Variants in RUBCNL observed in about 807,000 individuals in gnomAD.
The protein encoded by RUBCNL is protein associated with UVRAG as autophagy enhancer.
In RUBCNL, 62 loss-of-function variants were observed where a neutral mutation model predicts 69.5. That is an observed-to-expected ratio of 0.89 (90% confidence interval 0.73 to 1.10). The LOEUF (loss-of-function observed/expected upper bound fraction) is 1.10, where lower values mean the gene tolerates loss of function less well. Ranked by LOEUF, RUBCNL falls within the 50% of genes least tolerant of loss-of-function variation. The pLI, the probability that RUBCNL is intolerant of heterozygous loss-of-function variation, is 0.00. For missense variants in RUBCNL, 768 were observed against 798.1 expected, an observed-to-expected ratio of 0.96 and a Z score of 0.45; for synonymous variants, 291 against 303.6, an observed-to-expected ratio of 0.96 and a Z score of 0.43.
chr13:46,387,241 A>G lies in RUBCNL; in HGVS notation c.-346T>C, dbSNP rs2049271140. On this transcript the variant is annotated 5_prime_UTR_variant, in exon 1 of 15. Transcript: ENST00000429979. ...CCGTGGCCACCGCGCTCCCGGTAACAGCAGAAAGGGGAGGGAGGAGAGCTA... is the reference window on the plus strand; with the variant it reads ...CCGTGGCCACCGCGCTCCCGGTAACGGCAGAAAGGGGAGGGAGGAGAGCTA... 7 of 985,300 alleles carry G rather than the reference A, an allele frequency of 7.1e-6. No homozygotes were observed. Among genetic ancestry groups the G allele is most frequent in the Non-Finnish European group, 8.4e-6 (7 of 829,932 alleles). 61.0% of individuals were successfully genotyped at this position (985,300 alleles called of 1,614,324 possible). A position where few individuals can be genotyped will look rare whatever the true frequency, so the allele number is the denominator to read the frequency against.
upstream of RUBCNL, among the ~76,000 whole-genome samples, chr13:46,388,950 T>C (rs949271106): frequency 1.3e-5 from 2 of 152,222 alleles, no homozygotes; most frequent in Admixed American, 6.5e-5. Context: ...GTTTGGAGCA[T>C]AGACCAGCTT....
chr13:46,381,917 G>T (rs1322448196), intron 1 of RUBCNL, among the ~76,000 whole-genome samples: 1 of 152,098 alleles, frequency 6.6e-6, no homozygotes, highest in East Asian at 1.9e-4. Flanking sequence ...TGATCCTATT[G>T]TCTCAGCCTT....
At chr13:46,386,657 T>C (rs1459606746) in intron 1 of RUBCNL, among the ~76,000 whole-genome samples, 2 of 152,116 alleles carry the variant, frequency 1.3e-5, no homozygotes, top group Non-Finnish European at 2.9e-5. Flanking sequence ...CACGCCGCGA[T>C]TTCACACTCC....
rs1566533491 is a variant in RUBCNL at position 46,337,400 on chromosome 13, T to C, written c.*5985A>G. Among the ~76,000 whole-genome samples, 1 of 152,080 alleles carries C rather than the reference T, an allele frequency of 6.6e-6. No homozygotes were observed. The highest frequency in any genetic ancestry group is 6.6e-5 in the Admixed American group (1 of 15,254). The stretch of plus-strand genomic sequence containing the variant: ...GATATGCCTGTCTCAGCCTGAGGCA[T>C]ATATCTCAACTTTGGGAGTGCTGGG... On this transcript the variant is annotated 3_prime_UTR_variant, in exon 15 of 15. Transcript: ENST00000429979.
chr13:46,368,356 A>G, intron 4 of RUBCNL, 107 bp from the exon 5 acceptor site: 3 of 1,411,018 alleles, frequency 2.1e-6, no homozygotes, highest in Non-Finnish European at 2.8e-6. Context: ...ATTAATGCAT[A>G]TCAGTATAAA....
At chr13:46,387,526 C>G (rs2049280242), upstream of RUBCNL, 1 of 985,528 alleles carries the variant, frequency 1.0e-6, no homozygotes, top group South Asian at 4.7e-5. Flanking sequence ...CGGCGCGAGA[C>G]GCAACGACGC....
At position 46,362,923 on chromosome 13, in the gene RUBCNL, C is replaced by CATATATATATATATATAT. The variant is rs770827606; in HGVS notation, c.925+191_925+192insATATATATATATATATAT. Among the ~76,000 whole-genome samples, 35 of 88,032 alleles carry CATATATATATATATATAT rather than the reference C, an allele frequency of 4.0e-4. 3 individuals carry two copies. The highest frequency in any genetic ancestry group is 8.1e-4 in the South Asian group (2 of 2,478). The allele number at this position is 88,032 out of a possible 152,430, so 57.8% of individuals were successfully genotyped here. On this transcript the variant is annotated intron_variant, in intron 6 of 14. Coordinates refer to ENST00000429979, the MANE Select transcript of RUBCNL (RefSeq NM_025113.5). ...ATCCAGACATTTGAAACAAGAACAT[C>CATATATATATATATATAT]ATATATATATATATAGATATATATA...
rs2048561074 is a variant in RUBCNL, at chr13:46,359,416, T to C, written c.1265+70A>G. 9.7e-6 allele frequency: 13 copies of C among 1,339,630 alleles called. No individual in the cohort carries two copies. In the South Asian group the frequency reaches 2.0e-4, roughly 20 times the overall value. The allele number at this position is 1,339,630 out of a possible 1,614,324, so 83.0% of individuals were successfully genotyped here. ...TATGTATTTTTTTCACCTACTGCCA[T>C]AGAGTCAGGTGGGATCTGTCACAAT... On this transcript the variant is annotated intron_variant, in intron 9 of 14. Transcript: ENST00000429979.
chr13:46,388,225 A>C (rs1373443940), upstream of RUBCNL, among the ~76,000 whole-genome samples: 4 of 142,664 alleles, frequency 2.8e-5, no homozygotes, highest in East Asian at 8.5e-4. Context: ...AAAAAACAGA[A>C]AGGAGAAGAA....
intron 1 of RUBCNL, among the ~76,000 whole-genome samples, chr13:46,383,842 C>G (rs1006683707): frequency 1.3e-5 from 2 of 152,194 alleles, no homozygotes; most frequent in African/African-American, 2.4e-5. Context: ...TTCTGCTATA[C>G]TAAGACACAT....
At chr13:46,371,335 T>G (rs1433614074) in intron 3 of RUBCNL, among the ~76,000 whole-genome samples, 1 of 152,216 alleles carries the variant, frequency 6.6e-6, no homozygotes, top group Non-Finnish European at 1.5e-5. Flanking sequence ...AATAGCTAAT[T>G]TATTGACTCT....
intron 1 of RUBCNL, among the ~76,000 whole-genome samples, chr13:46,381,232 G>T (rs2049109344): frequency 6.6e-6 from 1 of 152,160 alleles, no homozygotes; most frequent in African/African-American, 2.4e-5. Context: ...ATCAATTGAT[G>T]AATTAACAAA....
rs751107222 is a variant in RUBCNL at position 46,359,579 on chromosome 13, A to G, written c.1172T>C (p.Val391Ala). Reference protein sequence around the residue: ...RKDFESSMNVVQEIKFKSRIR... With the variant: ...RKDFESSMNVAQEIKFKSRIR... ...CCTAGACTTAAATTTAATTTCCTGT[A>G]CTACATTCATACTGGATTCAAAGTC... The change falls in exon 9 of 15, where the codon GTA becomes GCA. Residue 391 changes from valine to alanine, a missense_variant. By Grantham distance (64) the Val-to-Ala change is moderately conservative (BLOSUM62 0). Transcript: ENST00000429979. 3.0e-5 allele frequency: 48 copies of G among 1,592,660 alleles called. No homozygotes were observed. The highest frequency in any genetic ancestry group is 4.0e-5 in the Non-Finnish European group (47 of 1,168,568).
chr13:46,340,987 A>G lies in RUBCNL; in HGVS notation c.*2398T>C, dbSNP rs1296884502. On this transcript the variant is annotated 3_prime_UTR_variant, in exon 15 of 15. Coordinates refer to ENST00000429979, the MANE Select transcript of RUBCNL (RefSeq NM_025113.5). Reference sequence around the variant, plus strand: ...GCACCAAGTCACCATGGGTAGGTAGAAAGTGGCATATTTGGGATCTAATCT... The same window carrying G: ...GCACCAAGTCACCATGGGTAGGTAGGAAGTGGCATATTTGGGATCTAATCT... 6.6e-6 allele frequency among the ~76,000 whole-genome samples: 1 copy of G among 152,204 alleles called. No individual in the cohort carries two copies. Among genetic ancestry groups the G allele is most frequent in the Non-Finnish European group, 1.5e-5 (1 of 68,038 alleles).
At position 46,340,520 on chromosome 13, in the gene RUBCNL, G is replaced by C. The variant is rs1233820685; in HGVS notation, c.*2865C>G. On this transcript the variant is annotated 3_prime_UTR_variant, in exon 15 of 15. Transcript: ENST00000429979. ...CCCTCATTTTACAAACAGAGGCTTA[G>C]ATAATTTAAATGGCTTCCCCAGTGT... is the stretch of plus-strand genomic sequence containing the variant. 6.6e-6 allele frequency among the ~76,000 whole-genome samples: 1 copy of C among 152,138 alleles called. No homozygotes were observed. Among genetic ancestry groups the C allele is most frequent in the Non-Finnish European group, 1.5e-5 (1 of 68,026 alleles).
At chr13:46,351,859 C>T (rs1314915820) in intron 10 of RUBCNL, among the ~76,000 whole-genome samples, 4 of 130,344 alleles carry the variant, frequency 3.1e-5, no homozygotes, top group Admixed American at 1.7e-4. Context: ...GAAGGAGTCT[C>T]GCTCTGTTGC....
rs1001346009 is a variant in RUBCNL at position 46,356,493 on chromosome 13, C to T, written c.1269G>A (p.Arg423=). The T allele has an allele frequency of 6.2e-6, 10 of 1,613,560 alleles. No homozygotes were observed. The highest frequency in any genetic ancestry group is 2.7e-5 in the African/African-American group (2 of 74,892). ...IIFNIHPPLK[R]DLVVAAQNFF... is the part of the protein sequence containing the mutation. Reference sequence around the variant, plus strand: ...AATTCTGGGCTGCCACCACAAGGTCCCTCCTGAATACGAAAAATAATACTA... The same window carrying T: ...AATTCTGGGCTGCCACCACAAGGTCTCTCCTGAATACGAAAAATAATACTA... The change falls in exon 10 of 15, where the codon AGG becomes AGA. Residue 423 remains arginine, a synonymous_variant. Coordinates refer to ENST00000429979, the MANE Select transcript of RUBCNL (RefSeq NM_025113.5).
intron 9 of RUBCNL, 66 bp from the exon 10 acceptor site, chr13:46,356,562 G>T: frequency 7.2e-7 from 1 of 1,380,208 alleles, no homozygotes; most frequent in Non-Finnish European, 1.0e-6. Context: ...TCACTAATTA[G>T]AAAAGAAATT....
rs1180236613 is a variant in RUBCNL, at chr13:46,361,465, A to C, written c.1095T>G (p.Gly365=). 4 of 1,613,948 alleles carry C rather than the reference A, an allele frequency of 2.5e-6. No individual in the cohort carries two copies. The highest frequency in any genetic ancestry group is 3.4e-6 in the Non-Finnish European group (4 of 1,179,860). The stretch of plus-strand genomic sequence containing the variant: ...CTATCGAGCCAGCTGCACTCAGGGA[A>C]CCTGCCAGCTGAGAATTAACTACTG... ...ILSVVNSQLA[G]SLSAAGSIVV... The change falls in exon 8 of 15, where the codon GGT becomes GGG. Residue 365 remains glycine, a synonymous_variant. Coordinates refer to ENST00000429979, the MANE Select transcript of RUBCNL (RefSeq NM_025113.5).
Sources: allele counts gnomAD v4.1 joint callset (sites outside exome capture counted in the v4.1 genomes callset), GRCh38; gene constraint gnomAD v4.1.1; transcripts MANE v1.5; gene names NCBI Gene and HGNC (gene_info 2026-07-23, HGNC 2026-07-21).